Variants in SV2C observed in about 807,000 individuals in gnomAD.
The protein encoded by SV2C is synaptic vesicle glycoprotein 2C, also known as solute carrier family 22 member B3.
In SV2C, 49 loss-of-function variants were observed where a neutral mutation model predicts 79.7. The observed-to-expected ratio is 0.61, with a 90% CI of 0.49 to 0.78. SV2C has a LOEUF of 0.78. Ranked by LOEUF, SV2C falls within the 30% of genes least tolerant of loss-of-function variation. The pLI is 0.00. For missense variants in SV2C, 833 were observed against 912.9 expected, an observed-to-expected ratio of 0.91 and a Z score of 1.13; for synonymous variants, 334 against 333.2, an observed-to-expected ratio of 1.00 and a Z score of -0.03.
At chr5:76,106,245 A>G (rs1020112676) in intron 1 of SV2C, among the ~76,000 whole-genome samples, 1 of 152,050 alleles carries the variant, frequency 6.6e-6, no homozygotes, top group Non-Finnish European at 1.5e-5. Context: ...CCTTCAAATT[A>G]TAACCAGAAT....
chr5:76,085,365 C>A (rs1747151649), intron 1 of SV2C, among the ~76,000 whole-genome samples: 1 of 152,160 alleles, frequency 6.6e-6, no homozygotes, highest in Non-Finnish European at 1.5e-5. Flanking sequence ...TTAAAAAACA[C>A]TACTGATAAC....
the SV2C span, among the ~76,000 whole-genome samples, chr5:75,939,246 C>T: frequency 0.011 from 1,640 of 152,230 alleles, 23 homozygotes; most frequent in African/African-American, 0.038. Context: ...GTTTATTTCT[C>T]ATAGTTCTGG....
chr5:75,920,319 T>C, the SV2C span, among the ~76,000 whole-genome samples: 1 of 152,244 alleles, frequency 6.6e-6, no homozygotes, highest in Non-Finnish European at 1.5e-5. Flanking sequence ...AACAAAAGTT[T>C]CTCTAGAATC....
chr5:76,069,265 C>A, the SV2C span, among the ~76,000 whole-genome samples: 23 of 152,312 alleles, frequency 1.5e-4, no homozygotes, highest in East Asian at 4.2e-3. Flanking sequence ...GCCTCCCCTT[C>A]CAGGCCATCT....
chr5:76,002,220 G>A, the SV2C span, among the ~76,000 whole-genome samples: 2 of 151,980 alleles, frequency 1.3e-5, no homozygotes, highest in East Asian at 1.9e-4. Context: ...GTTGGTTGAC[G>A]GGCATTTAGG....
At chr5:75,887,188 T>G in the SV2C span, among the ~76,000 whole-genome samples, 149 of 152,284 alleles carry the variant, frequency 9.8e-4, 1 homozygote, top group Admixed American at 2.8e-3. Context: ...ATGCATTACC[T>G]CAGAGATTTA....
At chr5:76,099,963 G>A (rs1747683662) in intron 1 of SV2C, among the ~76,000 whole-genome samples, 1 of 152,128 alleles carries the variant, frequency 6.6e-6, no homozygotes, top group African/African-American at 2.4e-5. Flanking sequence ...TGAATTTTTA[G>A]AACATGCCCA....
At chr5:76,005,336 G>T in the SV2C span, among the ~76,000 whole-genome samples, 1 of 152,128 alleles carries the variant, frequency 6.6e-6, no homozygotes. Flanking sequence ...AACTGTTGTT[G>T]GTAACACTTG....
At chr5:75,957,994 G>A in the SV2C span, among the ~76,000 whole-genome samples, 1 of 152,040 alleles carries the variant, frequency 6.6e-6, no homozygotes, top group Middle Eastern at 3.4e-3. Flanking sequence ...GTTTTCAGTG[G>A]GTGCCCCCAA....
intron 2 of SV2C, among the ~76,000 whole-genome samples, chr5:76,157,601 A>G (rs542320859): frequency 6.7e-6 from 1 of 149,508 alleles, no homozygotes; most frequent in East Asian, 2.0e-4. Context: ...ATTATCATTG[A>G]GACTTCACTT....
intron 2 of SV2C, among the ~76,000 whole-genome samples, chr5:76,183,683 C>G (rs974310929): frequency 2.0e-5 from 3 of 152,140 alleles, no homozygotes; most frequent in Non-Finnish European, 2.9e-5. Flanking sequence ...CCACTCTCCC[C>G]CAACCCATGA....
At chr5:76,155,618 A>G (rs1020289196) in intron 2 of SV2C, among the ~76,000 whole-genome samples, 1 of 152,140 alleles carries the variant, frequency 6.6e-6, no homozygotes, top group Non-Finnish European at 1.5e-5. Flanking sequence ...GGACAGAGGA[A>G]TCTACCTTGA....
intron 12 of SV2C, among the ~76,000 whole-genome samples, chr5:76,302,421 T>A (rs1367920301): frequency 6.6e-6 from 1 of 151,980 alleles, no homozygotes; most frequent in Non-Finnish European, 1.5e-5. Flanking sequence ...GGTCAGGAGT[T>A]TGAGACCAGC....
the SV2C span, among the ~76,000 whole-genome samples, chr5:75,882,607 C>T: frequency 6.6e-6 from 1 of 152,124 alleles, no homozygotes; most frequent in Non-Finnish European, 1.5e-5. Flanking sequence ...ATATCTACAA[C>T]TATCTGATCT....
the SV2C span, chr5:75,911,519 G>C: frequency 1.1e-4 from 77 of 692,204 alleles, no homozygotes; most frequent in African/African-American, 1.3e-3. Context: ...ACTGGCCCTA[G>C]GGTCTCCTTG....
chr5:76,106,148 C>T (rs1293174659), intron 1 of SV2C, among the ~76,000 whole-genome samples: 1 of 152,180 alleles, frequency 6.6e-6, no homozygotes, highest in African/African-American at 2.4e-5. Flanking sequence ...GCTTCTCTAC[C>T]CTACCCCATC....
the SV2C span, among the ~76,000 whole-genome samples, chr5:75,945,490 A>ATTT: frequency 6.6e-6 from 1 of 150,970 alleles, no homozygotes; most frequent in African/African-American, 2.4e-5. Context: ...TATTATTATT[A>ATTT]TTTTTTTTGG....
intron 7 of SV2C, 63 bp from the exon 8 acceptor site, chr5:76,291,705 G>T: frequency 1.8e-6 from 2 of 1,116,122 alleles, no homozygotes; most frequent in Non-Finnish European, 2.7e-6. Context: ...TTGGTGGAAG[G>T]GGTCGGGGAG....
chr5:76,069,009 C>T, the SV2C span, among the ~76,000 whole-genome samples: 68 of 152,294 alleles, frequency 4.5e-4, no homozygotes, highest in African/African-American at 1.5e-3. Flanking sequence ...AAAAGAAAAA[C>T]AGCTCAGGTA....
Sources: gnomAD v4.1 joint callset for allele counts (sites outside exome capture counted in the v4.1 genomes callset) on GRCh38, gnomAD v4.1.1 for gene constraint, MANE v1.5 for transcripts, NCBI Gene and HGNC (gene_info 2026-07-23, HGNC 2026-07-21) for gene names.